The following STEAP1B variants were observed in gnomAD, a reference collection of about 807,000 sequenced individuals.
The protein encoded by STEAP1B is STEAP family protein MGC87042.
A neutral mutation model predicts 27.9 loss-of-function variants in STEAP1B; 13 were observed. The ratio of observed to expected loss-of-function variants is 0.47; its 90% CI spans 0.30 to 0.74. The LOEUF (loss-of-function observed/expected upper bound fraction) is 0.74, where lower values mean the gene tolerates loss of function less well. Among genes scored for constraint, STEAP1B ranks in the 30% least tolerant of loss-of-function variants. The pLI is 0.06. For missense variants in STEAP1B, 250 were observed against 298.7 expected, an observed-to-expected ratio of 0.84 and a Z score of 1.20; for synonymous variants, 86 against 107.1, an observed-to-expected ratio of 0.80 and a Z score of 1.22.
intron 4 of STEAP1B, among the ~76,000 whole-genome samples, chr7:22,491,882 T>C (rs762398387): frequency 6.6e-6 from 1 of 152,058 alleles, no homozygotes; most frequent in Non-Finnish European, 1.5e-5. Flanking sequence ...AAAAGGAAGA[T>C]AGAGACAGTA....
chr7:22,444,983 G>C (rs1312221131), intron 4 of STEAP1B, among the ~76,000 whole-genome samples: 3 of 152,200 alleles, frequency 2.0e-5, no homozygotes, highest in Non-Finnish European at 2.9e-5. Flanking sequence ...CACAAGGAGA[G>C]CTGTTAGATC....
intron 4 of STEAP1B, among the ~76,000 whole-genome samples, chr7:22,462,284 G>A (rs1188839994): frequency 6.7e-6 from 1 of 150,192 alleles, no homozygotes; most frequent in African/African-American, 2.5e-5. Context: ...ACAATGTGCA[G>A]GTTAGTTACA....
At chr7:22,429,992 T>C (rs1420910241) in intron 4 of STEAP1B, among the ~76,000 whole-genome samples, 1 of 152,144 alleles carries the variant, frequency 6.6e-6, no homozygotes, top group Non-Finnish European at 1.5e-5. Context: ...GATTTACCCT[T>C]GAGGGCAGAG....
rs1434981715 is a variant in STEAP1B, at chr7:22,492,666, A to G, written c.661T>C (p.Ser221Pro). The change falls in exon 4 of 5, where the codon TCT becomes CCT. Residue 221 changes from serine (S) to proline (P), a missense_variant. Physicochemically the swap from Ser to Pro is moderately conservative, Grantham distance 74 (BLOSUM62 -1). Transcript: ENST00000678116. ...ATTGCCAGTCCCACAATTCCCAGAG[A>G]CACATAAATCTCCATTCTCCAAACA... ...HDVWRMEIYV[S>P]LGIVGLAILA... 1 of 1,613,706 alleles carries G rather than the reference A, an allele frequency of 6.2e-7. No homozygotes were observed. The highest frequency in any genetic ancestry group is 2.2e-5 in the East Asian group (1 of 44,852).
rs1348056536 is a variant in STEAP1B, at chr7:22,494,902, T to C, written c.-31-16A>G. ...CTTCAGCCACCTGTAAAAATAAAAA[T>C]AATTACTTTCATGTCTATTCTACTT... On this transcript the variant is annotated splice_polypyrimidine_tract_variant and intron_variant, in intron 1 of 4. Transcript: ENST00000678116. 2 of 1,274,008 alleles carry C rather than the reference T, an allele frequency of 1.6e-6. No homozygotes were observed. The highest frequency in any genetic ancestry group is 3.0e-5 in the African/African-American group (2 of 65,818). 78.9% of individuals were successfully genotyped at this position (1,274,008 alleles called of 1,614,324 possible). A position where few individuals can be genotyped will look rare whatever the true frequency, so the allele number is the denominator to read the frequency against.
chr7:22,445,810 G>C (rs67811380), intron 4 of STEAP1B, among the ~76,000 whole-genome samples: 27,430 of 152,256 alleles, frequency 0.18, 2,576 homozygotes, highest in African/African-American at 0.22. Context: ...GAGGAGGCAG[G>C]AGAGGCGAAG....
chr7:22,448,414 A>G (rs1272808937), intron 4 of STEAP1B, among the ~76,000 whole-genome samples: 3 of 152,060 alleles, frequency 2.0e-5, no homozygotes, highest in Non-Finnish European at 4.4e-5. Flanking sequence ...CCTTGAACTC[A>G]TATTTCCATT....
At chr7:22,439,235 T>C (rs1195991773) in intron 4 of STEAP1B, among the ~76,000 whole-genome samples, 1 of 152,246 alleles carries the variant, frequency 6.6e-6, no homozygotes, top group Non-Finnish European at 1.5e-5. Context: ...CTGTGAAGCA[T>C]GACTTTTCAT....
intron 4 of STEAP1B, among the ~76,000 whole-genome samples, chr7:22,462,286 TTA>T (rs1293775871): frequency 3.3e-5 from 5 of 150,812 alleles, no homozygotes; most frequent in African/African-American, 1.2e-4. Flanking sequence ...AATGTGCAGG[TTA>T]GTTACATATG....
At chr7:22,486,371 A>C (rs1786208984) in intron 4 of STEAP1B, among the ~76,000 whole-genome samples, 1 of 152,220 alleles carries the variant, frequency 6.6e-6, no homozygotes, top group Admixed American at 6.5e-5. Flanking sequence ...GACCAAAGCC[A>C]GAGGCAGAAT....
chr7:22,436,985 C>A (rs1009702827), intron 4 of STEAP1B, among the ~76,000 whole-genome samples: 62 of 152,206 alleles, frequency 4.1e-4, no homozygotes, highest in African/African-American at 1.4e-3. Context: ...GCAATTGCAA[C>A]AAAAGCAAAA....
Position 22,473,623 on chromosome 7 carries a change from T to G in STEAP1B, c.762+18942A>C, listed in dbSNP as rs74435014. Among the ~76,000 whole-genome samples, 21 of 152,350 alleles carry G rather than the reference T, an allele frequency of 1.4e-4. No individual in the cohort carries two copies. In the East Asian group the frequency reaches 4.0e-3, roughly 29 times the overall value. On this transcript the variant is annotated intron_variant, in intron 4 of 4. Coordinates refer to ENST00000678116, the MANE Select transcript of STEAP1B (RefSeq NM_001382447.1). Reference sequence around the variant, plus strand: ...AGATTTTCTGGAGTTCTTCAAAAATTCTACTACCTGGTCTCCAACCCCAGA... The same window carrying G: ...AGATTTTCTGGAGTTCTTCAAAAATGCTACTACCTGGTCTCCAACCCCAGA...
At chr7:22,449,571 C>T (rs1368255386) in intron 4 of STEAP1B, among the ~76,000 whole-genome samples, 1 of 152,224 alleles carries the variant, frequency 6.6e-6, no homozygotes, top group Non-Finnish European at 1.5e-5. Context: ...CTTCCAAAAT[C>T]TTGGCTATTG....
At position 22,443,587 on chromosome 7, in the gene STEAP1B, A is replaced by G. The variant is rs1005712667; in HGVS notation, c.763-23751T>C. Among the ~76,000 whole-genome samples the G allele has an allele frequency of 2.0e-5, 3 of 152,230 alleles. No individual in the cohort carries two copies. In the East Asian group the frequency reaches 5.8e-4, roughly 29 times the overall value. On this transcript the variant is annotated intron_variant, in intron 4 of 4. Coordinates refer to ENST00000678116, the MANE Select transcript of STEAP1B (RefSeq NM_001382447.1). ...ACACAAAATGATCATTCCAGACCAC[A>G]AAGATCTCCAATTACAAGAAACATA...
At chr7:22,474,907 A>G (rs1204410616) in intron 4 of STEAP1B, among the ~76,000 whole-genome samples, 2 of 152,214 alleles carry the variant, frequency 1.3e-5, no homozygotes. Context: ...GCCCACAGAA[A>G]GCTCATCATT....
At chr7:22,456,972 A>ATATTT in intron 4 of STEAP1B, among the ~76,000 whole-genome samples, 4 of 57,082 alleles carry the variant, frequency 7.0e-5, no homozygotes, top group African/African-American at 2.8e-4. Context: ...ATATATATAT[A>ATATTT]TTTTTTTTTT....
intron 4 of STEAP1B, among the ~76,000 whole-genome samples, chr7:22,422,568 A>G (rs1785057312): frequency 6.6e-6 from 1 of 150,886 alleles, no homozygotes; most frequent in Non-Finnish European, 1.5e-5. Context: ...ATCTTGGCTC[A>G]TTGCAACTTC....
chr7:22,492,791 C>T, intron 3 of STEAP1B, 62 bp from the exon 4 acceptor site: 1 of 1,546,394 alleles, frequency 6.5e-7, no homozygotes, highest in Non-Finnish European at 8.7e-7. Context: ...GAATGTGAAT[C>T]TCCTTCTACA....
chr7:22,485,327 C>T (rs577037876), intron 4 of STEAP1B, among the ~76,000 whole-genome samples: 1 of 152,276 alleles, frequency 6.6e-6, no homozygotes, highest in South Asian at 2.1e-4. Flanking sequence ...AGTCAGCAGC[C>T]ATCAACATTG....
Sources: gnomAD v4.1 joint callset for allele counts (sites outside exome capture counted in the v4.1 genomes callset) on GRCh38, gnomAD v4.1.1 for gene constraint, MANE v1.5 for transcripts, NCBI Gene and HGNC (gene_info 2026-07-23, HGNC 2026-07-21) for gene names.